Variants in CNGB1 observed in about 807,000 individuals in gnomAD.
CNGB1 encodes the protein cyclic nucleotide-gated channel beta-1.
In CNGB1, 126 loss-of-function variants were observed where a neutral mutation model predicts 151.7. The ratio of observed to expected loss-of-function variants is 0.83; its 90% CI spans 0.72 to 0.96. CNGB1 has a LOEUF of 0.96. Among genes scored for constraint, CNGB1 ranks in the 40% least tolerant of loss-of-function variants. The probability of loss-of-function intolerance (pLI) is 0.00; values close to 1 mark genes in which losing one functional copy is unlikely to be tolerated. For missense variants in CNGB1, 1,698 were observed against 1,627.0 expected, an observed-to-expected ratio of 1.04 and a Z score of -0.75; for synonymous variants, 623 against 635.1, an observed-to-expected ratio of 0.98 and a Z score of 0.29.
chr16:57,956,488 AC>A lies in CNGB1; in HGVS notation c.874+852del, dbSNP rs1962088701. The stretch of plus-strand genomic sequence containing the variant: ...GTGTGTGCTCCAGGCCATGGCGGCC[AC>A]CCCCGGCTTCAGGGCACTCATGGAG... On this transcript the variant is annotated intron_variant, in intron 12 of 32. Coordinates refer to ENST00000251102, the MANE Select transcript of CNGB1 (RefSeq NM_001297.5). Among the ~76,000 whole-genome samples, 5 of 152,084 alleles carry A rather than the reference AC, an allele frequency of 3.3e-5. No individual in the cohort carries two copies. In the South Asian group the frequency reaches 1.0e-3, roughly 32 times the overall value.
intron 1 of CNGB1, among the ~76,000 whole-genome samples, chr16:57,967,789 A>G (rs1037701857): frequency 1.3e-5 from 2 of 152,136 alleles, no homozygotes; most frequent in African/African-American, 2.4e-5. Flanking sequence ...GTGTGTGTGT[A>G]TATATTTCTG....
intron 23 of CNGB1, among the ~76,000 whole-genome samples, chr16:57,914,655 G>A (rs1208712819): frequency 6.6e-6 from 1 of 152,188 alleles, no homozygotes; most frequent in African/African-American, 2.4e-5. Flanking sequence ...ACCATGGCCA[G>A]CTGTGGCAGC....
chr16:57,917,266 A>G lies in CNGB1; in HGVS notation c.2166+2T>C, dbSNP rs776919286. ...CCCCAACACCACCTGCCTGTGACTC[A>G]CAATGATGTCCCCGCCTCTGACAAA... On this transcript the variant is annotated splice_donor_variant, in intron 21 of 32. Coordinates refer to ENST00000251102, the MANE Select transcript of CNGB1 (RefSeq NM_001297.5). LOFTEE classifies it high-confidence loss of function. 1 of 1,611,750 alleles carries G rather than the reference A, an allele frequency of 6.2e-7. No individual in the cohort carries two copies. Among genetic ancestry groups the G allele is most frequent in the South Asian group, 1.1e-5 (1 of 90,662 alleles).
At chr16:57,931,228 A>C (rs1030725799) in intron 17 of CNGB1, among the ~76,000 whole-genome samples, 1 of 151,894 alleles carries the variant, frequency 6.6e-6, no homozygotes, top group Admixed American at 6.6e-5. Context: ...GCACAATCTC[A>C]GTTCACTGCC....
In CNGB1 at chr16:57,939,503, A is replaced by C. The variant is rs1961606014; in HGVS notation, c.1299T>G (p.Ala433=). Residue 433 remains alanine (A), a synonymous_variant, in exon 16 of 33, where the codon GCT becomes GCG. Coordinates refer to ENST00000251102, the MANE Select transcript of CNGB1 (RefSeq NM_001297.5). The part of the protein sequence containing the change: ...EEAEEVAEEE[A]EKEPQDWAET... Reference sequence around the variant, plus strand: ...CCGCCCAGTCCTGGGGCTCCTTTTCAGCCTCCTCTTCAGCCACCTCCTCGG... The same window carrying C: ...CCGCCCAGTCCTGGGGCTCCTTTTCCGCCTCCTCTTCAGCCACCTCCTCGG... 6.2e-7 allele frequency: 1 copy of C among 1,613,788 alleles called. No individual in the cohort carries two copies.
intron 16 of CNGB1, among the ~76,000 whole-genome samples, chr16:57,935,596 C>T (rs1454866783): frequency 2.0e-5 from 3 of 151,796 alleles, no homozygotes; most frequent in South Asian, 4.2e-4. Context: ...TGCAGTGAGC[C>T]GAGATGGTGC....
intron 25 of CNGB1, among the ~76,000 whole-genome samples, chr16:57,905,110 C>G (rs1960511120): frequency 6.6e-6 from 1 of 152,242 alleles, no homozygotes; most frequent in African/African-American, 2.4e-5. Flanking sequence ...GTTGCCATCC[C>G]CATTTACAGA....
At chr16:57,912,851 TTG>T (rs1226558740) in intron 24 of CNGB1, 77 bp downstream of exon 24, 2 of 1,382,610 alleles carry the variant, frequency 1.4e-6, no homozygotes, top group Non-Finnish European at 2.1e-6. Flanking sequence ...GTCATCTGTG[TTG>T]TGTGTGTATT....
At chr16:57,916,318 G>C in intron 21 of CNGB1, 139 bp from the exon 22 acceptor site, 1 of 865,628 alleles carries the variant, frequency 1.2e-6, no homozygotes, top group South Asian at 1.4e-5. Context: ...CTTGGTGAAA[G>C]CCTTGAGTTT....
rs780554214 is a variant in CNGB1 at position 57,884,415 on chromosome 16, C to T, written c.3505G>A (p.Ala1169Thr). The T allele has an allele frequency of 1.1e-5, 17 of 1,613,350 alleles. No individual in the cohort carries two copies. In the African/African-American group the frequency reaches 1.5e-4, roughly 14 times the overall value. ...QDVKGEEGSAAPDQHTHPKEA... is the reference protein window; with the variant it reads ...QDVKGEEGSATPDQHTHPKEA... The stretch of plus-strand genomic sequence containing the variant: ...TTTGGGTGCGTGTGCTGGTCTGGGG[C>T]GGCGGAGCCTTCCTCTCCCTTGACG... Residue 1169 changes from alanine (A) to threonine (T), a missense_variant, in exon 33 of 33, where the codon GCC (alanine) becomes ACC (threonine). Physicochemically the swap from Ala to Thr is moderately conservative, Grantham distance 58 (BLOSUM62 0). Transcript: ENST00000251102.
intron 25 of CNGB1, among the ~76,000 whole-genome samples, chr16:57,906,789 C>G (rs1352332506): frequency 6.6e-6 from 1 of 152,186 alleles, no homozygotes; most frequent in Non-Finnish European, 1.5e-5. Flanking sequence ...CAAACCCTTC[C>G]TAGCTGGAGG....
At chr16:57,953,367 C>T (rs1962006588) in intron 12 of CNGB1, among the ~76,000 whole-genome samples, 1 of 151,924 alleles carries the variant, frequency 6.6e-6, no homozygotes, top group Admixed American at 6.6e-5. Flanking sequence ...TGGTGGTGCA[C>T]ACTTGTAGTC....
Position 57,952,493 on chromosome 16 carries a change from C to CTTTTTT in CNGB1, c.875-1959_875-1954dup, listed in dbSNP as rs10598722. On this transcript the variant is annotated intron_variant, in intron 12 of 32. Transcript: ENST00000251102. ...TGCGTGGGTGTTTTACAAGCATTTC[C>CTTTTTT]TTTTTTTTTTTTTTTTTTTTTTTTT... 1.4e-4 allele frequency among the ~76,000 whole-genome samples: 9 copies of CTTTTTT among 62,102 alleles called. 1 individual carries two copies. The highest frequency in any genetic ancestry group is 5.4e-4 in the East Asian group (1 of 1,856). 40.7% of individuals were successfully genotyped at this position (62,102 alleles called of 152,430 possible).
intron 16 of CNGB1, among the ~76,000 whole-genome samples, chr16:57,935,010 C>T (rs1357711879): frequency 2.0e-5 from 3 of 148,530 alleles, no homozygotes; most frequent in Non-Finnish European, 4.5e-5. Context: ...CGCGCCACTG[C>T]ACTCCAGCCT....
At chr16:57,923,444 T>C (rs1179167664) in intron 17 of CNGB1, 64 bp from the exon 18 acceptor site, 2 of 1,342,270 alleles carry the variant, frequency 1.5e-6, no homozygotes, top group East Asian at 2.3e-5. Flanking sequence ...AGAAGTGTCA[T>C]GACTTTGATC....
chr16:57,913,752 A>G (rs1011569643), intron 23 of CNGB1, among the ~76,000 whole-genome samples: 1 of 152,222 alleles, frequency 6.6e-6, no homozygotes, highest in African/African-American at 2.4e-5. Context: ...AAGTGCTGGT[A>G]TTACAAGCAT....
At chr16:57,920,358 A>G (rs1567378031) in intron 19 of CNGB1, 29 bp downstream of exon 19, 2 of 1,613,504 alleles carry the variant, frequency 1.2e-6, no homozygotes, top group South Asian at 2.2e-5. Flanking sequence ...ATCCCCATCC[A>G]GGTAGACCCC....
At chr16:57,938,661 C>T (rs553854621) in intron 16 of CNGB1, among the ~76,000 whole-genome samples, 1 of 152,176 alleles carries the variant, frequency 6.6e-6, no homozygotes, top group Non-Finnish European at 1.5e-5. Context: ...TGGCCAAATC[C>T]GCACACACAG....
At chr16:57,929,718 C>T (rs761031612) in intron 17 of CNGB1, among the ~76,000 whole-genome samples, 34 of 152,150 alleles carry the variant, frequency 2.2e-4, no homozygotes, top group Non-Finnish European at 4.9e-4. Flanking sequence ...CATTGGATCT[C>T]GTGAGAACTC....
Sources: gnomAD v4.1 joint callset for allele counts (sites outside exome capture counted in the v4.1 genomes callset) on GRCh38, gnomAD v4.1.1 for gene constraint, MANE v1.5 for transcripts, NCBI Gene and HGNC (gene_info 2026-07-23, HGNC 2026-07-21) for gene names.